SPEF2: variants seen among roughly 807,000 people sequenced by gnomAD.
SPEF2 encodes the protein sperm flagellar and cilia associated 2.
In SPEF2, 187 loss-of-function variants were observed where a neutral mutation model predicts 224.6. The observed-to-expected ratio is 0.83, with a 90% CI of 0.74 to 0.94. The LOEUF (loss-of-function observed/expected upper bound fraction) is 0.94. SPEF2 is among the 40% of genes least tolerant of loss of function. SPEF2 has a pLI of 0.00. For missense variants in SPEF2, 2,170 were observed against 2,135.6 expected, an observed-to-expected ratio of 1.02 and a Z score of -0.32; for synonymous variants, 715 against 707.3, an observed-to-expected ratio of 1.01 and a Z score of -0.17.
At chr5:35,787,724 A>G in intron 30 of SPEF2, 1 of 512,130 alleles carries the variant, frequency 2.0e-6, no homozygotes, top group Non-Finnish European at 3.4e-6. Flanking sequence ...TAGTTAAAGC[A>G]CTTAACAGAA....
chr5:35,729,834 G>A (rs1017329374), intron 21 of SPEF2, among the ~76,000 whole-genome samples: 1 of 152,108 alleles, frequency 6.6e-6, no homozygotes, highest in African/African-American at 2.4e-5. Flanking sequence ...GGGCTTAACA[G>A]GGGTTTCCGC....
chr5:35,618,099 G>GGCGCAGAGCCTGCAGC, intron 1 of SPEF2, 44 bp downstream of exon 1: 1 of 1,553,670 alleles, frequency 6.4e-7, no homozygotes, highest in Non-Finnish European at 8.7e-7. Flanking sequence ...GGGCTAGCGG[G>GGCGCAGAGCCTGCAGC]GCGCAGAGCC....
At chr5:35,788,260 A>G (rs878956152) in intron 30 of SPEF2, 4 of 703,054 alleles carry the variant, frequency 5.7e-6, no homozygotes, top group South Asian at 3.0e-5. Flanking sequence ...TATTCAGATC[A>G]TGCCATGCTA....
chr5:35,806,088 G>A (rs1392973506), intron 34 of SPEF2, among the ~76,000 whole-genome samples: 3 of 152,102 alleles, frequency 2.0e-5, no homozygotes, highest in Non-Finnish European at 4.4e-5. Context: ...TACATAAGAA[G>A]AATATATACA....
At chr5:35,697,889 T>C in intron 15 of SPEF2, 96 bp downstream of exon 15, 3 of 813,676 alleles carry the variant, frequency 3.7e-6, no homozygotes, top group Non-Finnish European at 5.7e-6. Flanking sequence ...TTGTAATATC[T>C]CATACATTTC....
chr5:35,767,931 T>G (rs1426545576), intron 26 of SPEF2, among the ~76,000 whole-genome samples: 1 of 152,060 alleles, frequency 6.6e-6, no homozygotes, highest in Admixed American at 6.6e-5. Flanking sequence ...ACCAGTTAAC[T>G]GTCTCTTTCC....
At chr5:35,650,902 G>A (rs778262526) in intron 6 of SPEF2, among the ~76,000 whole-genome samples, 38 of 152,210 alleles carry the variant, frequency 2.5e-4, no homozygotes, top group Non-Finnish European at 5.0e-4. Context: ...ATAGAAATCA[G>A]AAGGTAAGCA....
chr5:35,808,176 T>A (rs532355873), intron 36 of SPEF2: 248 of 968,750 alleles, frequency 2.6e-4, no homozygotes, highest in Middle Eastern at 5.3e-4. Flanking sequence ...AAGTTGCTGA[T>A]CCTTTTAAAT....
At chr5:35,808,985 A>G (rs1396712060) in intron 36 of SPEF2, among the ~76,000 whole-genome samples, 2 of 151,984 alleles carry the variant, frequency 1.3e-5, no homozygotes, top group Admixed American at 1.3e-4. Context: ...CTCTGGAATC[A>G]GGTCATGGGA....
chr5:35,807,638 G>A, intron 36 of SPEF2: 1 of 1,535,114 alleles, frequency 6.5e-7, no homozygotes, highest in Non-Finnish European at 8.7e-7. Flanking sequence ...AATCACGCAA[G>A]GTACACATCA....
rs886506135 is a variant in SPEF2 at position 35,788,918 on chromosome 5, C to T, written c.4448-3422C>T. 16 of 703,010 alleles carry T rather than the reference C, an allele frequency of 2.3e-5. No homozygotes were observed. The East Asian group carries it at 4.3e-4, about 19-fold the overall frequency. The allele number at this position is 703,010 out of a possible 1,614,324, so 43.5% of individuals were successfully genotyped here. A position where few individuals can be genotyped will look rare whatever the true frequency, so the allele number is the denominator to read the frequency against. On this transcript the variant is annotated intron_variant, in intron 30 of 36. Coordinates refer to ENST00000356031, the MANE Select transcript of SPEF2 (RefSeq NM_024867.4). Reference sequence around the variant, plus strand: ...GAGAACTGCTTTCAAAGGCCTTCACCTTCGACCTGTGATGCCTTCTCAAAT... The same window carrying T: ...GAGAACTGCTTTCAAAGGCCTTCACTTTCGACCTGTGATGCCTTCTCAAAT...
Position 35,740,031 on chromosome 5 carries a change from A to C in SPEF2, c.3176A>C (p.Tyr1059Ser), listed in dbSNP as rs759926719. 1 of 1,614,126 alleles carries C rather than the reference A, an allele frequency of 6.2e-7. No individual in the cohort carries two copies. The highest frequency in any genetic ancestry group is 1.1e-5 in the South Asian group (1 of 91,086). ...LREDQHTVLA[Y>S]LYEIRTSFQE... ...GAAGACCAGCATACTGTGCTTGCTT[A>C]CTTATATGAGATTAGGTAAGTAATG... Residue 1059 changes from tyrosine (Y) to serine (S), a missense_variant, in exon 22 of 37, where the codon TAC becomes TCC. Coordinates refer to ENST00000356031, the MANE Select transcript of SPEF2 (RefSeq NM_024867.4).
chr5:35,710,771 C>G, intron 19 of SPEF2: 4 of 985,224 alleles, frequency 4.1e-6, no homozygotes, highest in Non-Finnish European at 4.8e-6. Flanking sequence ...CTTTAAGTTT[C>G]TGAAGTTTGT....
intron 30 of SPEF2, among the ~76,000 whole-genome samples, chr5:35,783,740 T>G (rs1052342901): frequency 6.6e-6 from 1 of 152,182 alleles, no homozygotes; most frequent in Non-Finnish European, 1.5e-5. Context: ...AAAGCATTCA[T>G]TTTGTGTGCT....
intron 23 of SPEF2, among the ~76,000 whole-genome samples, chr5:35,751,002 T>C (rs1749348138): frequency 1.3e-5 from 1 of 78,668 alleles, no homozygotes; most frequent in East Asian, 4.7e-4. Context: ...TATATGTATA[T>C]ATATATATAC....
chr5:35,621,157 T>A (rs555517017), intron 1 of SPEF2, among the ~76,000 whole-genome samples: 1 of 152,180 alleles, frequency 6.6e-6, no homozygotes, highest in Admixed American at 6.5e-5. Context: ...AATACTTTAG[T>A]TGAAATATCG....
rs575939007 is a variant in SPEF2 at position 35,631,653 on chromosome 5, C to T, written c.161+3091C>T. ...AAAACCTATCCATGTGATAACACAA[C>T]GTTCATAGCAGATTATTCCTAATAG... On this transcript the variant is annotated intron_variant, in intron 2 of 36. Transcript: ENST00000356031. Among the ~76,000 whole-genome samples the T allele has an allele frequency of 7.2e-5, 11 of 152,308 alleles. No individual in the cohort carries two copies. In the East Asian group the frequency reaches 7.7e-4, roughly 11 times the overall value.
intron 29 of SPEF2, among the ~76,000 whole-genome samples, chr5:35,778,016 C>T (rs1036856338): frequency 6.6e-6 from 1 of 152,112 alleles, no homozygotes; most frequent in African/African-American, 2.4e-5. Context: ...TTGGCTAACA[C>T]GTATTACATG....
At chr5:35,695,258 AC>A in intron 13 of SPEF2, among the ~76,000 whole-genome samples, 1 of 136,916 alleles carries the variant, frequency 7.3e-6, no homozygotes, top group South Asian at 2.2e-4. Context: ...AACTCTTAAA[AC>A]TTCTGGTTTT....
Sources: gnomAD v4.1 joint callset for allele counts (sites outside exome capture counted in the v4.1 genomes callset) on GRCh38, gnomAD v4.1.1 for gene constraint, MANE v1.5 for transcripts, NCBI Gene and HGNC (gene_info 2026-07-23, HGNC 2026-07-21) for gene names.